Variants in C16orf74 observed in about 807,000 individuals in gnomAD.
C16orf74 encodes the protein calcimembrin.
In C16orf74, 10 loss-of-function variants were observed where a neutral mutation model predicts 6.5. The ratio of observed to expected loss-of-function variants is 1.54; its 90% CI spans 0.95 to 2.61. C16orf74 has a LOEUF of 2.61. C16orf74 is among the 30% of genes most tolerant of loss of function. C16orf74 has a pLI of 0.00. For missense variants in C16orf74, 141 were observed against 105.9 expected (o/e 1.33, Z -1.45); for synonymous variants, 60 against 42.5 (o/e 1.41, Z -1.60).
At chr16:85,710,092 G>T (rs758097303) in intron 3 of C16orf74, 72 bp downstream of exon 3, 52 of 1,295,404 alleles carry the variant, frequency 4.0e-5, no homozygotes, top group Non-Finnish European at 4.9e-5. Context: ...GGCCAGGAAG[G>T]ACGCCCCTGA....
chr16:85,718,308 C>CT (rs1361163983), intron 2 of C16orf74, among the ~76,000 whole-genome samples: 1 of 152,200 alleles, frequency 6.6e-6, no homozygotes, highest in Non-Finnish European at 1.5e-5. Flanking sequence ...TCAAACGATC[C>CT]TCCTGCCTTG....
chr16:85,747,260 G>C (rs1224435523), intron 1 of C16orf74, among the ~76,000 whole-genome samples: 2 of 152,170 alleles, frequency 1.3e-5, no homozygotes, highest in African/African-American at 2.4e-5. Flanking sequence ...AGACCAGCCA[G>C]AGCAATATGG....
At chr16:85,724,794 G>C (rs1213725287) in intron 2 of C16orf74, among the ~76,000 whole-genome samples, 3 of 152,216 alleles carry the variant, frequency 2.0e-5, no homozygotes, top group Non-Finnish European at 4.4e-5. Flanking sequence ...TTTGTTGCGT[G>C]GTCTGTGTGT....
chr16:85,736,815 A>T (rs954317823), intron 1 of C16orf74, among the ~76,000 whole-genome samples: 4 of 152,112 alleles, frequency 2.6e-5, no homozygotes, highest in Admixed American at 2.6e-4. Flanking sequence ...ACACTTTGGG[A>T]GGCCGAGGTG....
chr16:85,730,475 C>A (rs1029667152), intron 2 of C16orf74, among the ~76,000 whole-genome samples: 1 of 152,046 alleles, frequency 6.6e-6, no homozygotes, highest in Admixed American at 6.5e-5. Context: ...GAAAGGAGGG[C>A]AGCAAACTAA....
chr16:85,735,411 C>T (rs1862732), intron 1 of C16orf74, among the ~76,000 whole-genome samples, 176 bp from the exon 2 acceptor site: 5,947 of 152,274 alleles, frequency 0.039, 414 homozygotes, highest in African/African-American at 0.14. Context: ...TGGATTTGCT[C>T]AAAGATGGAG....
At chr16:85,718,933 G>A (rs2054051796) in intron 2 of C16orf74, among the ~76,000 whole-genome samples, 2 of 152,222 alleles carry the variant, frequency 1.3e-5, no homozygotes, top group African/African-American at 2.4e-5. Context: ...TTGCGGTCAC[G>A]CAGCTGGAGT....
At chr16:85,722,383 C>A (rs55982975) in intron 2 of C16orf74, among the ~76,000 whole-genome samples, 4,582 of 152,274 alleles carry the variant, frequency 0.03, 200 homozygotes, top group African/African-American at 0.11. Flanking sequence ...GGGAGTATCC[C>A]AGGGGAACAT....
intron 1 of C16orf74, among the ~76,000 whole-genome samples, chr16:85,741,915 T>C (rs776950908): frequency 8.5e-5 from 13 of 152,192 alleles, no homozygotes; most frequent in East Asian, 3.8e-4. Flanking sequence ...GTTTGGATAT[T>C]TGTCCCTTCC....
intron 1 of C16orf74, among the ~76,000 whole-genome samples, chr16:85,742,068 TG>T (rs2054314756): frequency 6.6e-6 from 1 of 152,130 alleles, no homozygotes; most frequent in African/African-American, 2.4e-5. Context: ...CTGCAAGAGC[TG>T]GCTGTTAAAA....
chr16:85,744,784 C>T lies in C16orf74; in HGVS notation c.-19+6142G>A, dbSNP rs543339210. Among the ~76,000 whole-genome samples the T allele has an allele frequency of 9.0e-5, 12 of 133,940 alleles. No individual in the cohort carries two copies. The South Asian group carries it at 2.3e-3, about 26-fold the overall frequency. The allele number at this position is 133,940 out of a possible 152,430, so 87.9% of individuals were successfully genotyped here. A position where few individuals can be genotyped will look rare whatever the true frequency, so the allele number is the denominator to read the frequency against. On this transcript the variant is annotated intron_variant, in intron 1 of 3. Transcript: ENST00000284245. ...GGCAGAGCTTGCAGTGAGCCGAGAT[C>T]GTGCCACTGCACTCCAGCCTGGGCA...
chr16:85,723,670 A>T lies in C16orf74; in HGVS notation c.28+11520T>A, dbSNP rs184254389. Among the ~76,000 whole-genome samples, 101 of 152,318 alleles carry T rather than the reference A, an allele frequency of 6.6e-4. 2 individuals are homozygous for T. The East Asian group carries it at 0.017, about 25-fold the overall frequency. ...AGGCCACCTTCTGAGTGGATGGTAGAAGGATATTTACTGAAGTCCTGCTTG... is the reference window on the plus strand; with the variant it reads ...AGGCCACCTTCTGAGTGGATGGTAGTAGGATATTTACTGAAGTCCTGCTTG... On this transcript the variant is annotated intron_variant, in intron 2 of 3. Coordinates refer to ENST00000284245, the MANE Select transcript of C16orf74 (RefSeq NM_206967.3).
intron 3 of C16orf74, among the ~76,000 whole-genome samples, chr16:85,708,528 T>G (rs1451156465): frequency 6.6e-6 from 1 of 152,212 alleles, no homozygotes; most frequent in African/African-American, 2.4e-5. Flanking sequence ...TTCTCCCACC[T>G]TGCTGTGTGT....
intron 2 of C16orf74, among the ~76,000 whole-genome samples, chr16:85,733,486 C>T (rs778876370): frequency 2.6e-5 from 4 of 152,152 alleles, no homozygotes; most frequent in Non-Finnish European, 5.9e-5. Context: ...GATGGTTGCA[C>T]AACACTGTGA....
intron 2 of C16orf74, among the ~76,000 whole-genome samples, chr16:85,714,700 G>A (rs1048497305): frequency 1.7e-4 from 26 of 151,406 alleles, no homozygotes; most frequent in Non-Finnish European, 1.5e-4. Flanking sequence ...TTACAGGCAT[G>A]AGCCACCGTG....
chr16:85,745,179 G>A (rs1010243271), intron 1 of C16orf74, among the ~76,000 whole-genome samples: 15 of 132,238 alleles, frequency 1.1e-4, no homozygotes, highest in African/African-American at 2.7e-4. Flanking sequence ...TCTCCCTGTC[G>A]CCAAATGGTC....
intron 2 of C16orf74, among the ~76,000 whole-genome samples, chr16:85,730,409 G>A (rs931180203): frequency 2.0e-5 from 3 of 152,080 alleles, no homozygotes; most frequent in Non-Finnish European, 4.4e-5. Flanking sequence ...GTGCCTCCCG[G>A]CTCAGAAAGC....
intron 2 of C16orf74, among the ~76,000 whole-genome samples, chr16:85,727,719 TG>T (rs992980999): frequency 1.3e-5 from 2 of 150,590 alleles, no homozygotes; most frequent in Non-Finnish European, 3.0e-5. Context: ...GAGGCTGAGG[TG>T]GGAGAATCGC....
Position 85,720,204 on chromosome 16 carries a change from G to A in C16orf74, c.29-9897C>T, listed in dbSNP as rs192666343. Among the ~76,000 whole-genome samples the A allele has an allele frequency of 9.8e-5, 15 of 152,306 alleles. No homozygotes were observed. The East Asian group carries it at 2.7e-3, about 27-fold the overall frequency. On this transcript the variant is annotated intron_variant, in intron 2 of 3. Transcript: ENST00000284245. ...AAATCTCTTTTTAATTAAGGAAAAA[G>A]CCCTAGCTTGCGTCAGGGATGAGCT... is the stretch of plus-strand genomic sequence containing the variant.
Sources: allele counts gnomAD v4.1 joint callset (sites outside exome capture counted in the v4.1 genomes callset), GRCh38; gene constraint gnomAD v4.1.1; transcripts MANE v1.5; gene names NCBI Gene and HGNC (gene_info 2026-07-23, HGNC 2026-07-21).